The following MAGI2 variants were observed in gnomAD, a reference collection of about 807,000 sequenced individuals.
The protein encoded by MAGI2 is membrane associated guanylate kinase, WW and PDZ domain containing 2.
In MAGI2, 35 loss-of-function variants were observed where a neutral mutation model predicts 133.3. That is an observed-to-expected ratio of 0.26 (90% CI 0.20 to 0.35). MAGI2 has a LOEUF of 0.35. Ranked by LOEUF, MAGI2 falls within the 10% of genes least tolerant of loss-of-function variation. The probability of loss-of-function intolerance (pLI) is 1.00; values close to 1 mark genes in which losing one functional copy is unlikely to be tolerated. For synonymous variants in MAGI2, 729 were observed against 710.6 expected, an observed-to-expected ratio of 1.03 and a Z score of -0.41; for missense variants, 1,636 against 1,863.4, an observed-to-expected ratio of 0.88 and a Z score of 2.25.
chr7:79,157,714 TA>T (rs1254703420), intron 1 of MAGI2, among the ~76,000 whole-genome samples: 6 of 152,050 alleles, frequency 3.9e-5, no homozygotes, highest in African/African-American at 1.4e-4. Context: ...ACATTTACAT[TA>T]AGGTAAAGAG....
chr7:78,073,784 T>C (rs139968970), intron 21 of MAGI2, among the ~76,000 whole-genome samples: 364 of 152,334 alleles, frequency 2.4e-3, no homozygotes, highest in African/African-American at 8.2e-3. Context: ...TGTGCAGTTT[T>C]ACAACCATGA....
At chr7:79,034,529 G>GT (rs914817759) in intron 1 of MAGI2, among the ~76,000 whole-genome samples, 3 of 151,954 alleles carry the variant, frequency 2.0e-5, no homozygotes, top group Non-Finnish European at 4.4e-5. Context: ...ATTTCCTGTT[G>GT]TTTTTTTCAA....
intron 10 of MAGI2, among the ~76,000 whole-genome samples, chr7:78,220,965 T>C (rs989676595): frequency 9.2e-5 from 14 of 152,188 alleles, no homozygotes; most frequent in Admixed American, 3.9e-4. Context: ...TTACAACCCA[T>C]ATGTTGTGTT....
intron 3 of MAGI2, among the ~76,000 whole-genome samples, chr7:78,570,747 G>A (rs1243999247): frequency 6.6e-6 from 1 of 152,124 alleles, no homozygotes; most frequent in Non-Finnish European, 1.5e-5. Context: ...AGCATTAGCA[G>A]CATGTAAAAT....
At chr7:78,292,096 G>C (rs1437774176) in intron 9 of MAGI2, among the ~76,000 whole-genome samples, 1 of 152,184 alleles carries the variant, frequency 6.6e-6, no homozygotes, top group African/African-American at 2.4e-5. Context: ...AATCAGGCAG[G>C]AGAAAGAAAT....
intron 2 of MAGI2, among the ~76,000 whole-genome samples, chr7:78,726,363 G>A (rs1400668160): frequency 6.6e-6 from 1 of 152,202 alleles, no homozygotes; most frequent in Non-Finnish European, 1.5e-5. Context: ...ATATCTAAAT[G>A]TGCTAACTTG....
At chr7:79,417,523 G>A (rs193163955) in intron 1 of MAGI2, among the ~76,000 whole-genome samples, 1 of 152,190 alleles carries the variant, frequency 6.6e-6, no homozygotes, top group East Asian at 1.9e-4. Flanking sequence ...AAGGAAATCT[G>A]GAAATAGGGA....
chr7:78,863,362 G>A (rs995802564), intron 2 of MAGI2, among the ~76,000 whole-genome samples: 1 of 152,198 alleles, frequency 6.6e-6, no homozygotes, highest in Admixed American at 6.5e-5. Flanking sequence ...GCCTCAGGCT[G>A]TGTCCACTCA....
intron 6 of MAGI2, among the ~76,000 whole-genome samples, chr7:78,479,550 AT>A: frequency 6.6e-6 from 1 of 152,052 alleles, no homozygotes. Flanking sequence ...CAGACCAAAA[AT>A]AGCATTGGGA....
At chr7:78,444,366 G>A (rs113803373) in intron 6 of MAGI2, among the ~76,000 whole-genome samples, 1 of 152,052 alleles carries the variant, frequency 6.6e-6, no homozygotes, top group African/African-American at 2.4e-5. Context: ...TGGTCCATCA[G>A]TAGGTCCCTC....
At chr7:78,430,656 G>A (rs1338752615) in intron 6 of MAGI2, among the ~76,000 whole-genome samples, 1 of 151,998 alleles carries the variant, frequency 6.6e-6, no homozygotes, top group Non-Finnish European at 1.5e-5. Context: ...GGCTGGAAGT[G>A]GACAAAAGGG....
chr7:78,120,656 G>C (rs1389713483), intron 20 of MAGI2, among the ~76,000 whole-genome samples: 2 of 152,106 alleles, frequency 1.3e-5, no homozygotes, highest in Non-Finnish European at 2.9e-5. Flanking sequence ...ATTTATTATA[G>C]AGCTGTCATT....
At chr7:78,345,427 G>C (rs969600741) in intron 8 of MAGI2, 1 of 152,808 alleles carries the variant, frequency 6.5e-6, no homozygotes, top group African/African-American at 2.4e-5. Context: ...GGTCCCGCAA[G>C]CAGCCCTGGG....
intron 2 of MAGI2, among the ~76,000 whole-genome samples, chr7:78,893,782 C>T (rs1284630428): frequency 3.3e-5 from 5 of 151,954 alleles, no homozygotes; most frequent in Admixed American, 6.6e-5. Context: ...TGTTAAATGA[C>T]GAGTTAATGG....
intron 2 of MAGI2, among the ~76,000 whole-genome samples, chr7:78,923,334 G>T (rs200674032): frequency 6.6e-6 from 1 of 152,042 alleles, no homozygotes; most frequent in Non-Finnish European, 1.5e-5. Context: ...TAGGTCTAAC[G>T]TTTAAGTCTT....
intron 2 of MAGI2, among the ~76,000 whole-genome samples, chr7:78,963,824 G>A (rs1245499772): frequency 1.3e-5 from 2 of 151,696 alleles, no homozygotes; most frequent in African/African-American, 2.4e-5. Context: ...GTGTTGGCTC[G>A]GTTCCTAATA....
chr7:79,312,501 T>C (rs990959868), intron 1 of MAGI2, among the ~76,000 whole-genome samples: 1 of 152,224 alleles, frequency 6.6e-6, no homozygotes, highest in Non-Finnish European at 1.5e-5. Flanking sequence ...GCTTGTCTAT[T>C]CTATGTAATA....
intron 2 of MAGI2, among the ~76,000 whole-genome samples, chr7:78,851,115 T>A (rs985974378): frequency 6.6e-6 from 1 of 152,072 alleles, no homozygotes; most frequent in African/African-American, 2.4e-5. Flanking sequence ...AATATATTAT[T>A]TTTTCGTAGA....
At chr7:78,694,260 C>T (rs898771108) in intron 2 of MAGI2, among the ~76,000 whole-genome samples, 2 of 152,118 alleles carry the variant, frequency 1.3e-5, no homozygotes, top group Non-Finnish European at 2.9e-5. Context: ...TTAGCAAAGT[C>T]ATATAGTTCT....
Sources: allele counts gnomAD v4.1 joint callset (sites outside exome capture counted in the v4.1 genomes callset), GRCh38; gene constraint gnomAD v4.1.1; transcripts MANE v1.5; gene names NCBI Gene and HGNC (gene_info 2026-07-23, HGNC 2026-07-21).